OR51B5: variants seen among roughly 807,000 people sequenced by gnomAD.
OR51B5 encodes olfactory receptor family 51 subfamily B member 5, also known as olfactory receptor 51B5.
For missense variants in OR51B5, 456 were observed against 374.6 expected (o/e 1.22, Z -1.79); for synonymous variants, 186 against 144.8 (o/e 1.28, Z -2.04).
chr11:5,389,894 G>C (rs1226572862), intron 1 of OR51B5: 3 of 1,612,344 alleles, frequency 1.9e-6, no homozygotes, highest in Non-Finnish European at 1.7e-6. Context: ...CCGGGGACCT[G>C]TGGCCACTAT....
At chr11:5,389,698 C>A (rs1849761843) in intron 1 of OR51B5, 2 of 1,613,636 alleles carry the variant, frequency 1.2e-6, no homozygotes, top group East Asian at 4.5e-5. Context: ...TCTGGTTTAA[C>A]TCCCATAGTA....
intron 1 of OR51B5, among the ~76,000 whole-genome samples, chr11:5,363,457 ACTCTCT>A (rs10565063): frequency 0.26 from 39,232 of 150,062 alleles, 5,279 homozygotes; most frequent in African/African-American, 0.29. Flanking sequence ...ATACACACAC[ACTCTCT>A]CTCTCACACA....
At chr11:5,488,333 G>C (rs552825957) in intron 1 of OR51B5, among the ~76,000 whole-genome samples, 2 of 152,280 alleles carry the variant, frequency 1.3e-5, no homozygotes, top group South Asian at 4.2e-4. Context: ...CTAGGTAAGA[G>C]AAAAGGCATG....
At chr11:5,403,199 GA>G in intron 1 of OR51B5, 1 of 471,270 alleles carries the variant, frequency 2.1e-6, no homozygotes, top group South Asian at 1.5e-5. Context: ...ATATCTATGG[GA>G]TTTTCATTGT....
At chr11:5,417,314 C>T (rs1189783944) in intron 1 of OR51B5, among the ~76,000 whole-genome samples, 4 of 150,830 alleles carry the variant, frequency 2.7e-5, no homozygotes, top group Admixed American at 1.3e-4. Flanking sequence ...GACCTAAAAC[C>T]ATAAAAACCC....
chr11:5,343,113 G>C, exon 1 of OR51B5: 5 of 1,612,902 alleles, frequency 3.1e-6, no homozygotes, highest in African/African-American at 2.7e-5. Context: ...TTCACTACTC[G>C]AGTATTAGTA....
intron 1 of OR51B5, chr11:5,403,583 T>TTTGC (rs1293760224): frequency 2.2e-6 from 1 of 452,624 alleles, no homozygotes; most frequent in Non-Finnish European, 4.6e-6. Flanking sequence ...TTTTTGTTTG[T>TTTGC]TTGCTTGCTC....
chr11:5,378,471 G>T (rs1290571757), intron 1 of OR51B5, among the ~76,000 whole-genome samples: 26 of 152,198 alleles, frequency 1.7e-4, no homozygotes, highest in African/African-American at 3.9e-4. Flanking sequence ...GGGATCTAAT[G>T]AAACTAAAGA....
chr11:5,353,133 A>G (rs1461865893), intron 1 of OR51B5, among the ~76,000 whole-genome samples: 1 of 152,044 alleles, frequency 6.6e-6, no homozygotes, highest in African/African-American at 2.4e-5. Flanking sequence ...AATGAGAGTA[A>G]GCCATTTCCC....
At chr11:5,478,013 C>T (rs1458445705) in intron 1 of OR51B5, among the ~76,000 whole-genome samples, 1 of 151,900 alleles carries the variant, frequency 6.6e-6, no homozygotes, top group Non-Finnish European at 1.5e-5. Context: ...CCCACCACAG[C>T]TCAAGGAGGC....
chr11:5,410,130 C>G (rs1193495104), intron 1 of OR51B5, among the ~76,000 whole-genome samples: 2 of 152,008 alleles, frequency 1.3e-5, no homozygotes, highest in Admixed American at 6.6e-5. Context: ...CAAATAAGTT[C>G]TTTAGTCAAA....
At chr11:5,501,254 G>A (rs527493528) in intron 1 of OR51B5, among the ~76,000 whole-genome samples, 1 of 147,570 alleles carries the variant, frequency 6.8e-6, no homozygotes, top group African/African-American at 2.4e-5. Context: ...ACCTATGCCT[G>A]GGCTACAATA....
chr11:5,497,502 A>G (rs1590030872), intron 1 of OR51B5, among the ~76,000 whole-genome samples: 1 of 152,202 alleles, frequency 6.6e-6, no homozygotes, highest in African/African-American at 2.4e-5. Context: ...TCTAAGGTTG[A>G]TTGGGACACT....
chr11:5,450,933 T>TA (rs547963675), intron 1 of OR51B5, among the ~76,000 whole-genome samples: 46 of 146,814 alleles, frequency 3.1e-4, no homozygotes, highest in East Asian at 7.9e-4. Flanking sequence ...GAACTTAAAG[T>TA]AAAAAAAAAA....
chr11:5,391,558 G>C (rs368834335), intron 1 of OR51B5: 166 of 152,280 alleles, frequency 1.1e-3, no homozygotes, highest in African/African-American at 3.8e-3. Context: ...TACATAAAGA[G>C]GGATCCAGAG....
intron 1 of OR51B5, chr11:5,441,277 G>C (rs1265755423): frequency 1.2e-6 from 2 of 1,613,828 alleles, no homozygotes; most frequent in African/African-American, 2.7e-5. Flanking sequence ...ACAGTGGGAA[G>C]TGTAGAAAAG....
chr11:5,356,581 A>G (rs1589950950), intron 1 of OR51B5, among the ~76,000 whole-genome samples: 1 of 142,628 alleles, frequency 7.0e-6, no homozygotes, highest in African/African-American at 2.6e-5. Context: ...AACTTCCCCA[A>G]TCTAGCAAGG....
intron 1 of OR51B5, among the ~76,000 whole-genome samples, chr11:5,361,008 G>GGGGGGGA (rs1849276128): frequency 1.4e-5 from 2 of 146,804 alleles, no homozygotes; most frequent in Admixed American, 6.8e-5. Context: ...GGGTCGGGGG[G>GGGGGGGA]AGGGATAGCA....
chr11:5,360,383 T>C (rs1849263801), intron 1 of OR51B5, among the ~76,000 whole-genome samples: 1 of 151,762 alleles, frequency 6.6e-6, no homozygotes, highest in Non-Finnish European at 1.5e-5. Context: ...AACAGACACA[T>C]GAAAAAATGC....
Sources: gnomAD v4.1 joint callset for allele counts (sites outside exome capture counted in the v4.1 genomes callset) on GRCh38, gnomAD v4.1.1 for gene constraint, MANE v1.5 for transcripts, NCBI Gene and HGNC (gene_info 2026-07-23, HGNC 2026-07-21) for gene names.